IL21R: variants seen among roughly 807,000 people sequenced by gnomAD.
IL21R encodes the protein interleukin 21 receptor.
Under a neutral mutation model 41.3 loss-of-function variants are expected in IL21R, and 14 were observed. The ratio of observed to expected loss-of-function variants is 0.34; its 90% CI spans 0.22 to 0.53. The LOEUF (loss-of-function observed/expected upper bound fraction) is 0.53. IL21R is among the 20% of genes least tolerant of loss of function. The pLI is 0.94. For missense variants in IL21R, 588 were observed against 681.6 expected (o/e 0.86, Z 1.53); for synonymous variants, 286 against 287.6 (o/e 0.99, Z 0.05).
chr16:27,429,844 A>G (rs1375701585), intron 1 of IL21R, among the ~76,000 whole-genome samples: 2 of 152,230 alleles, frequency 1.3e-5, no homozygotes, highest in Non-Finnish European at 2.9e-5. Flanking sequence ...GGGGGCAGGA[A>G]GAAGGTGGGA....
At chr16:27,407,506 C>T (rs2086766364) in intron 1 of IL21R, among the ~76,000 whole-genome samples, 1 of 152,060 alleles carries the variant, frequency 6.6e-6, no homozygotes, top group Admixed American at 6.6e-5. Context: ...GGCCCTGATG[C>T]AGGAAAAAAA....
At chr16:27,413,237 C>A (rs1010883888) in intron 1 of IL21R, among the ~76,000 whole-genome samples, 1 of 151,760 alleles carries the variant, frequency 6.6e-6, no homozygotes, top group Non-Finnish European at 1.5e-5. Context: ...GATTTTTGTC[C>A]TTCTTTGTGT....
At chr16:27,434,875 C>T (rs3093331) in intron 3 of IL21R, among the ~76,000 whole-genome samples, 1,735 of 152,264 alleles carry the variant, frequency 0.011, 81 homozygotes, top group East Asian at 0.1. Context: ...AAATTCAGAC[C>T]GCCCAACTCC....
rs1555498067 is a variant in IL21R at position 27,440,277 on chromosome 16, A to AGC, written c.352+2591_352+2592insCG. ...GAGAGAGAGAGAGAGAGAGAGAGAG[A>AGC]GAGCGAGCAAGCGCGCGCCAGGGTG... On this transcript the variant is annotated intron_variant, in intron 4 of 8. Coordinates refer to ENST00000337929, the MANE Select transcript of IL21R (RefSeq NM_181078.3). Among the ~76,000 whole-genome samples the AGC allele has an allele frequency of 9.4e-4, 129 of 136,660 alleles. 1 individual carries two copies. The highest frequency in any genetic ancestry group is 1.5e-3 in the Non-Finnish European group (94 of 64,518). The allele number at this position is 136,660 out of a possible 152,430, so 89.7% of individuals were successfully genotyped here.
intron 1 of IL21R, among the ~76,000 whole-genome samples, chr16:27,419,357 G>T (rs2086961441): frequency 6.6e-6 from 1 of 152,186 alleles, no homozygotes; most frequent in African/African-American, 2.4e-5. Context: ...CATGGAGCTG[G>T]CATCTCCTAT....
chr16:27,404,724 G>A (rs910537085), intron 1 of IL21R, among the ~76,000 whole-genome samples: 1 of 152,182 alleles, frequency 6.6e-6, no homozygotes, highest in African/African-American at 2.4e-5. Context: ...ACTTTGAGCT[G>A]TGGAACTGGC....
chr16:27,449,479 T>C lies in IL21R; in HGVS notation c.*196T>C. ...ATGCATGTGTGTGTGTGTGTGTGTC[T>C]TAGGTGCGCAGTGGCATGTCCACGT... is the stretch of plus-strand genomic sequence containing the variant. On this transcript the variant is annotated 3_prime_UTR_variant, in exon 9 of 9. Coordinates refer to ENST00000337929, the MANE Select transcript of IL21R (RefSeq NM_181078.3). 1.6e-6 allele frequency: 1 copy of C among 614,038 alleles called. No individual in the cohort carries two copies. The highest frequency in any genetic ancestry group is 2.8e-6 in the Non-Finnish European group (1 of 355,944). The allele number at this position is 614,038 out of a possible 1,614,324, so 38.0% of individuals were successfully genotyped here.
At chr16:27,418,583 G>A (rs1020258858) in intron 1 of IL21R, among the ~76,000 whole-genome samples, 4 of 152,044 alleles carry the variant, frequency 2.6e-5, no homozygotes, top group Admixed American at 6.6e-5. Context: ...TGTTAGCCAG[G>A]ATAGTCTTGA....
chr16:27,412,570 T>G (rs2086838539), intron 1 of IL21R, among the ~76,000 whole-genome samples: 1 of 152,128 alleles, frequency 6.6e-6, no homozygotes, highest in African/African-American at 2.4e-5. Flanking sequence ...AAATTCAGTT[T>G]TCTGTGAGTA....
At chr16:27,423,398 T>C (rs1439093542) in intron 1 of IL21R, among the ~76,000 whole-genome samples, 1 of 152,162 alleles carries the variant, frequency 6.6e-6, no homozygotes, top group Non-Finnish European at 1.5e-5. Flanking sequence ...CAAAAGGGCA[T>C]AAAATATAAT....
intron 1 of IL21R, among the ~76,000 whole-genome samples, chr16:27,402,870 A>C (rs866398658): frequency 7.2e-5 from 11 of 151,952 alleles, no homozygotes; most frequent in Non-Finnish European, 1.3e-4. Context: ...TATCTTGAAA[A>C]CCAGCCTCCA....
rs1002908917 is a variant in IL21R at position 27,439,499 on chromosome 16, CAT to C, written c.352+1816_352+1817del. ...ACGTGTAGACTCACACATGCACACACATATACACTTTCTCACACGTGTGCACA... is the reference window on the plus strand; with the variant it reads ...ACGTGTAGACTCACACATGCACACACATACACTTTCTCACACGTGTGCACA... On this transcript the variant is annotated intron_variant, in intron 4 of 8. Transcript: ENST00000337929. 4.6e-4 allele frequency among the ~76,000 whole-genome samples: 70 copies of C among 151,934 alleles called. 1 individual carries two copies. Among genetic ancestry groups the C allele is most frequent in the Admixed American group, 2.7e-3 (41 of 15,246 alleles).
intron 4 of IL21R, among the ~76,000 whole-genome samples, chr16:27,439,513 C>T (rs1361314325): frequency 6.6e-6 from 1 of 151,634 alleles, no homozygotes; most frequent in Non-Finnish European, 1.5e-5. Context: ...TACACTTTCT[C>T]ACACGTGTGC....
intron 8 of IL21R, 35 bp from the exon 9 acceptor site, chr16:27,448,499 C>T (rs1162367142): frequency 6.4e-7 from 1 of 1,551,794 alleles, no homozygotes; most frequent in Non-Finnish European, 8.7e-7. Context: ...TTACCCTCAT[C>T]CTGTGCTATG....
rs3093401 is a variant in IL21R, at chr16:27,437,468, C to T, written c.153-20C>T. On this transcript the variant is annotated intron_variant, in intron 3 of 8. Transcript: ENST00000337929. ...CCTGCCCCTGGCTTCCAGCCATGAC[C>T]GGCTGCTTTGTCCTTGAAGGCAAGA... 1.2e-4 allele frequency: 194 copies of T among 1,606,116 alleles called. 1 individual carries two copies. The highest frequency in any genetic ancestry group is 1.6e-4 in the Non-Finnish European group (189 of 1,174,888).
chr16:27,431,913 G>A (rs969614658), intron 2 of IL21R, among the ~76,000 whole-genome samples: 1 of 152,200 alleles, frequency 6.6e-6, no homozygotes, highest in African/African-American at 2.4e-5. Flanking sequence ...CAAAAGTGCT[G>A]GGATTACCGC....
chr16:27,436,288 G>C (rs2087268821), intron 3 of IL21R, among the ~76,000 whole-genome samples: 1 of 152,256 alleles, frequency 6.6e-6, no homozygotes, highest in African/African-American at 2.4e-5. Context: ...CTGGACCTCA[G>C]GTAAAGGGAC....
chr16:27,439,037 C>T (rs990495637), intron 4 of IL21R, among the ~76,000 whole-genome samples: 7 of 152,014 alleles, frequency 4.6e-5, no homozygotes, highest in Admixed American at 6.6e-5. Flanking sequence ...CCCATGAGCT[C>T]GGGAGTTTCT....
chr16:27,443,029 A>G lies in IL21R; in HGVS notation c.420A>G (p.Ser140=). The G allele has an allele frequency of 6.2e-7, 1 of 1,614,038 alleles. No homozygotes were observed. The highest frequency in any genetic ancestry group is 8.5e-7 in the Non-Finnish European group (1 of 1,179,944). Residue 140 remains serine (S), a synonymous_variant, in exon 5 of 9, where the codon TCA becomes TCG. Coordinates refer to ENST00000337929, the MANE Select transcript of IL21R (RefSeq NM_181078.3). ...GACAGTATAATATCTCCTGGCGCTC[A>G]GATTACGAAGACCCTGCCTTCTACA... ...FSGQYNISWR[S]DYEDPAFYML...
Sources: allele counts gnomAD v4.1 joint callset (sites outside exome capture counted in the v4.1 genomes callset), GRCh38; gene constraint gnomAD v4.1.1; transcripts MANE v1.5; gene names NCBI Gene and HGNC (gene_info 2026-07-23, HGNC 2026-07-21).